SLC24A2: variants seen among roughly 807,000 people sequenced by gnomAD.
SLC24A2 encodes sodium/potassium/calcium exchanger 2.
Under a neutral mutation model 62.0 loss-of-function variants are expected in SLC24A2, and 36 were observed. The ratio of observed to expected loss-of-function variants is 0.58; its 90% CI spans 0.44 to 0.77. SLC24A2 has a LOEUF of 0.77. SLC24A2 is among the 30% of genes least tolerant of loss of function. The pLI is 0.00. For missense variants in SLC24A2, 846 were observed against 817.9 expected (o/e 1.03, Z -0.42); for synonymous variants, 358 against 294.0 (o/e 1.22, Z -2.23).
chr9:19,532,400 T>C (rs1300525618), intron 8 of SLC24A2, among the ~76,000 whole-genome samples: 1 of 152,200 alleles, frequency 6.6e-6, no homozygotes. Context: ...CTGACTCCCA[T>C]ATACTTTAAA....
chr9:20,047,384 C>A, the SLC24A2 span, among the ~76,000 whole-genome samples: 1 of 151,678 alleles, frequency 6.6e-6, no homozygotes, highest in Non-Finnish European at 1.5e-5. Flanking sequence ...TAACACCATA[C>A]CTGACAAAGG....
chr9:19,748,980 T>C (rs962946031), intron 2 of SLC24A2, among the ~76,000 whole-genome samples: 3 of 151,496 alleles, frequency 2.0e-5, no homozygotes, highest in Non-Finnish European at 2.9e-5. Context: ...TCTAGAGACC[T>C]TGAAGTACAG....
the SLC24A2 span, among the ~76,000 whole-genome samples, chr9:20,203,858 C>A: frequency 6.6e-6 from 1 of 152,166 alleles, no homozygotes; most frequent in African/African-American, 2.4e-5. Flanking sequence ...TGCATATCAG[C>A]AGACCCATAA....
intron 8 of SLC24A2, among the ~76,000 whole-genome samples, chr9:19,529,596 C>G (rs1003598749): frequency 9.2e-5 from 14 of 152,074 alleles, no homozygotes; most frequent in African/African-American, 3.4e-4. Context: ...TAGCCAAAAC[C>G]TTACCCTCAA....
intron 2 of SLC24A2, among the ~76,000 whole-genome samples, chr9:19,740,697 T>C (rs1821648083): frequency 6.6e-6 from 1 of 152,136 alleles, no homozygotes; most frequent in African/African-American, 2.4e-5. Flanking sequence ...ATGAATGAAA[T>C]TATATATAAC....
the SLC24A2 span, among the ~76,000 whole-genome samples, chr9:19,892,864 C>T: frequency 6.6e-6 from 1 of 152,144 alleles, no homozygotes; most frequent in African/African-American, 2.4e-5. Flanking sequence ...AAACTGTACC[C>T]ACCCAGGTGC....
At chr9:19,571,380 G>C (rs567223960) in intron 7 of SLC24A2, among the ~76,000 whole-genome samples, 1 of 152,132 alleles carries the variant, frequency 6.6e-6, no homozygotes, top group South Asian at 2.1e-4. Flanking sequence ...CAGAGAATAA[G>C]GGTAACAGGC....
At chr9:19,914,654 G>A in the SLC24A2 span, among the ~76,000 whole-genome samples, 11 of 152,206 alleles carry the variant, frequency 7.2e-5, no homozygotes, top group African/African-American at 2.6e-4. Flanking sequence ...TAATCTAGCC[G>A]AGAGTGACAA....
the SLC24A2 span, among the ~76,000 whole-genome samples, chr9:20,098,688 A>G: frequency 6.6e-6 from 1 of 152,222 alleles, no homozygotes; most frequent in African/African-American, 2.4e-5. Context: ...TTTAACAAGC[A>G]TGCCAGGTTA....
the SLC24A2 span, among the ~76,000 whole-genome samples, chr9:19,933,340 A>G: frequency 6.6e-6 from 1 of 152,208 alleles, no homozygotes; most frequent in African/African-American, 2.4e-5. Context: ...TCCTTAGATC[A>G]CAAGTTAAGA....
At chr9:20,110,492 T>A in the SLC24A2 span, among the ~76,000 whole-genome samples, 5 of 152,084 alleles carry the variant, frequency 3.3e-5, no homozygotes, top group African/African-American at 9.7e-5. Flanking sequence ...ACTTAAGTGA[T>A]TATAACAATC....
chr9:19,516,078 A>G lies in SLC24A2; in HGVS notation c.*75T>C, dbSNP rs1459242884. 2 of 1,589,002 alleles carry G rather than the reference A, an allele frequency of 1.3e-6. No individual in the cohort carries two copies. The highest frequency in any genetic ancestry group is 1.7e-6 in the Non-Finnish European group (2 of 1,158,200). ...GGCTGTGTGCCAGCTGCCTCTTCTC[A>G]AGAGGTCAAGGAGCCCAGAGCCCAG... On this transcript the variant is annotated 3_prime_UTR_variant, in exon 11 of 11. Transcript: ENST00000341998.
At chr9:19,651,923 C>T (rs538329095) in intron 2 of SLC24A2, among the ~76,000 whole-genome samples, 4 of 152,138 alleles carry the variant, frequency 2.6e-5, no homozygotes, top group African/African-American at 4.8e-5. Context: ...ATCGACCACA[C>T]GGGTTTCCTC....
chr9:19,532,778 T>C (rs1351798510), intron 8 of SLC24A2, among the ~76,000 whole-genome samples: 1 of 152,220 alleles, frequency 6.6e-6, no homozygotes. Context: ...GAATAGATAC[T>C]TGATGAATCA....
the SLC24A2 span, among the ~76,000 whole-genome samples, chr9:20,176,796 T>C: frequency 6.6e-6 from 1 of 152,054 alleles, no homozygotes; most frequent in Non-Finnish European, 1.5e-5. Context: ...AGATACTAAA[T>C]ACAAAAAGCA....
chr9:19,608,230 A>C (rs939259813), intron 4 of SLC24A2, among the ~76,000 whole-genome samples: 22 of 152,306 alleles, frequency 1.4e-4, no homozygotes, highest in African/African-American at 5.3e-4. Flanking sequence ...CTTTTGAGAG[A>C]CACCTTCTCC....
chr9:20,240,013 G>A, the SLC24A2 span, among the ~76,000 whole-genome samples: 1 of 152,062 alleles, frequency 6.6e-6, no homozygotes, highest in African/African-American at 2.4e-5. Context: ...AAGCTTAGCA[G>A]TAGAGACTAG....
At chr9:19,758,404 T>C (rs530544459) in intron 2 of SLC24A2, among the ~76,000 whole-genome samples, 1 of 147,834 alleles carries the variant, frequency 6.8e-6, no homozygotes, top group African/African-American at 2.4e-5. Context: ...ACGTCAGCCC[T>C]TCTCTGGAGC....
At chr9:20,173,104 CAG>C in the SLC24A2 span, among the ~76,000 whole-genome samples, 8 of 151,964 alleles carry the variant, frequency 5.3e-5, no homozygotes, top group Non-Finnish European at 1.0e-4. Context: ...TCAACAGATG[CAG>C]AAAAAACATT....
Sources: gnomAD v4.1 joint callset for allele counts (sites outside exome capture counted in the v4.1 genomes callset) on GRCh38, gnomAD v4.1.1 for gene constraint, MANE v1.5 for transcripts, NCBI Gene and HGNC (gene_info 2026-07-23, HGNC 2026-07-21) for gene names.